NTN5: variants seen among roughly 807,000 people sequenced by gnomAD.
The protein encoded by NTN5 is netrin 5.
In NTN5, 42 loss-of-function variants were observed where a neutral mutation model predicts 38.7. That is an observed-to-expected ratio of 1.08 (90% CI 0.85 to 1.40). The LOEUF is 1.40. Among genes scored for constraint, NTN5 ranks in the 40% most tolerant of loss-of-function variants. The pLI is 0.00. For missense variants in NTN5, 658 were observed against 716.5 expected (o/e 0.92, Z 0.93); for synonymous variants, 329 against 303.9 (o/e 1.08, Z -0.86).
At chr19:48,665,080 T>A (rs958279236) in intron 2 of NTN5, among the ~76,000 whole-genome samples, 80 of 130,946 alleles carry the variant, frequency 6.1e-4, no homozygotes, top group African/African-American at 2.6e-3. Context: ...ACACAGCTAA[T>A]TTTTTTTTTT....
At position 48,670,346 on chromosome 19, in the gene NTN5, C is replaced by A; in HGVS notation, c.631+10G>T. On this transcript the variant is annotated intron_variant, in intron 2 of 6. Transcript: ENST00000270235. ...GCAAAGGCAGGGAGAGTGAGGGGCG[C>A]AGGACTCACGTAGGCAAGGGTGGGG... The A allele has an allele frequency of 7.1e-7, 1 of 1,403,900 alleles. No homozygotes were observed. Among genetic ancestry groups the A allele is most frequent in the Non-Finnish European group, 9.3e-7 (1 of 1,079,470 alleles). The allele number at this position is 1,403,900 out of a possible 1,614,324, so 87.0% of individuals were successfully genotyped here.
At chr19:48,664,425 G>A (rs1601205205) in intron 3 of NTN5, 133 bp from the exon 4 acceptor site, 2 of 1,305,554 alleles carry the variant, frequency 1.5e-6, no homozygotes, top group African/African-American at 1.5e-5. Context: ...AGGAGTCCAG[G>A]CCCCCAGCCC....
chr19:48,669,776 C>T (rs1227953374), intron 2 of NTN5, among the ~76,000 whole-genome samples: 22 of 109,084 alleles, frequency 2.0e-4, no homozygotes, highest in African/African-American at 7.8e-4. Context: ...CTACCATCAC[C>T]ATCACACCAC....
In NTN5 at chr19:48,664,085, C is replaced by G. The variant is rs118012054; in HGVS notation, c.970+58G>C. ...CCTCACTGCAGCTGTGCACTGGAGA[C>G]CTGGGATGTCTCCTTCCCGCTCTAC... On this transcript the variant is annotated intron_variant, in intron 4 of 6. Transcript: ENST00000270235. The G allele has an allele frequency of 3.4e-4, 516 of 1,533,852 alleles. 1 individual carries two copies. The East Asian group carries it at 0.011, about 32-fold the overall frequency.
intron 4 of NTN5, 51 bp from the exon 5 acceptor site, chr19:48,663,865 C>A: frequency 6.4e-7 from 1 of 1,568,246 alleles, no homozygotes; most frequent in South Asian, 1.1e-5. Flanking sequence ...CCCAGGATCC[C>A]CTCGCCCCTG....
At chr19:48,665,881 C>T (rs1198215558) in intron 2 of NTN5, among the ~76,000 whole-genome samples, 2 of 151,766 alleles carry the variant, frequency 1.3e-5, no homozygotes, top group Non-Finnish European at 2.9e-5. Flanking sequence ...TTAGCCTTGT[C>T]GGTCTCTCTG....
At chr19:48,663,435 T>C (rs1223573662) in intron 6 of NTN5, 28 bp downstream of exon 6, 13 of 1,593,768 alleles carry the variant, frequency 8.2e-6, no homozygotes, top group Non-Finnish European at 1.0e-5. Context: ...CTGTGTAGCC[T>C]TCAGCTGTCT....
At chr19:48,666,956 A>G (rs889001392) in intron 2 of NTN5, among the ~76,000 whole-genome samples, 7 of 151,998 alleles carry the variant, frequency 4.6e-5, no homozygotes, top group African/African-American at 1.7e-4. Flanking sequence ...AAGAGGTTTG[A>G]GAGCCCTGGA....
At chr19:48,670,060 C>T (rs2031913486) in intron 2 of NTN5, among the ~76,000 whole-genome samples, 1 of 149,310 alleles carries the variant, frequency 6.7e-6, no homozygotes, top group South Asian at 2.1e-4. Context: ...TCACCACCAC[C>T]ATCACCACCA....
At chr19:48,669,177 C>T (rs1225926366) in intron 2 of NTN5, among the ~76,000 whole-genome samples, 17 of 61,256 alleles carry the variant, frequency 2.8e-4, no homozygotes, top group Non-Finnish European at 1.8e-4. Context: ...ACCATCACCA[C>T]CATGACCACC....
rs1409806024 is a variant in NTN5, at chr19:48,670,596, C to T, written c.391G>A (p.Ala131Thr). The T allele has an allele frequency of 6.3e-7, 1 of 1,586,756 alleles. No homozygotes were observed. Among genetic ancestry groups the T allele is most frequent in the Middle Eastern group, 1.7e-4 (1 of 5,926 alleles). Residue 131 changes from alanine to threonine, a missense_variant, in exon 2 of 7, where the codon GCC becomes ACC. By Grantham distance (58) the Ala-to-Thr change is moderately conservative. Coordinates refer to ENST00000270235, the MANE Select transcript of NTN5 (RefSeq NM_145807.4). ...VTFHSTPGPKATVAASHLRVE... is the reference protein window; with the variant it reads ...VTFHSTPGPKTTVAASHLRVE... ...CGGAGGTGGCTGGCCGCCACAGTGG[C>T]CTTAGGACCTGGTGTGGAGTGGAAG... is the stretch of plus-strand genomic sequence containing the variant.
rs555642420 is a variant in NTN5, at chr19:48,663,249, A to G, written c.1105+214T>C. 24 of 673,458 alleles carry G rather than the reference A, an allele frequency of 3.6e-5. No individual in the cohort carries two copies. In the African/African-American group the frequency reaches 3.9e-4, roughly 11 times the overall value. 41.7% of individuals were successfully genotyped at this position (673,458 alleles called of 1,614,324 possible). A position where few individuals can be genotyped will look rare whatever the true frequency, so the allele number is the denominator to read the frequency against. ...ACTCTGTAAGCCGAAGAACATGGGG[A>G]AAGAGGAGACACAGGAAGGTAGTGA... On this transcript the variant is annotated intron_variant, in intron 6 of 6. Transcript: ENST00000270235.
intron 2 of NTN5, among the ~76,000 whole-genome samples, chr19:48,669,633 G>A (rs1328763933): frequency 8.6e-3 from 7 of 816 alleles, no homozygotes; most frequent in Non-Finnish European, 0.01. Flanking sequence ...ACCACCACCA[G>A]TCATCACCAT....
intron 4 of NTN5, 124 bp from the exon 5 acceptor site, chr19:48,663,938 C>T: frequency 8.7e-7 from 1 of 1,146,726 alleles, no homozygotes; most frequent in Non-Finnish European, 1.3e-6. Flanking sequence ...AGAGTGCAAG[C>T]ATCCCTTGCC....
intron 2 of NTN5, among the ~76,000 whole-genome samples, chr19:48,669,852 T>TCACCAC: frequency 2.9e-5 from 1 of 34,854 alleles, no homozygotes; most frequent in South Asian, 9.1e-4. Flanking sequence ...ACCACTACCA[T>TCACCAC]CACCACCACC....
rs1466641729 is a variant in NTN5, at chr19:48,661,712, G to A, written c.1435C>T (p.Arg479Trp). 5.1e-6 allele frequency: 8 copies of A among 1,554,800 alleles called. No homozygotes were observed. The highest frequency in any genetic ancestry group is 2.5e-5 in the East Asian group (1 of 39,676). ...GGCCTGGGACTGGGTGTGGGTGCCC[G>A]CACGCCGCGGCAGCCTCCGGCGCGC... is the stretch of plus-strand genomic sequence containing the variant. ...EERAGGCRGVRAPTPSPRPEH is the reference protein window; with the variant it reads ...EERAGGCRGVWAPTPSPRPEH Residue 479 changes from arginine to tryptophan, a missense_variant, in exon 7 of 7, where the codon CGG becomes TGG. Coordinates refer to ENST00000270235, the MANE Select transcript of NTN5 (RefSeq NM_145807.4).
intron 2 of NTN5, among the ~76,000 whole-genome samples, chr19:48,669,724 C>CCACCACCATCACCAT (rs2031868194): frequency 1.5e-5 from 2 of 132,160 alleles, no homozygotes; most frequent in Non-Finnish European, 3.2e-5. Context: ...ATCACCACCA[C>CCACCACCATCACCAT]CACCACCATC....
At position 48,661,930 on chromosome 19, in the gene NTN5, T is replaced by C. The variant is rs762198245; in HGVS notation, c.1217A>G (p.Asp406Gly). 9.5e-6 allele frequency: 13 copies of C among 1,368,622 alleles called. No individual in the cohort carries two copies. The highest frequency in any genetic ancestry group is 1.0e-5 in the Non-Finnish European group (11 of 1,065,016). 84.8% of individuals were successfully genotyped at this position (1,368,622 alleles called of 1,614,324 possible). Residue 406 changes from aspartate (D) to glycine (G), a missense_variant, in exon 7 of 7, where the codon GAC (aspartate) becomes GGC (glycine). Asp to Gly is a moderately conservative substitution (Grantham distance 94, BLOSUM62 -1). Transcript: ENST00000270235. The part of the protein sequence containing the change: ...KQRAQPVRRG[D>G]QDAWVPRADL... ...GGCGCGGGGCACCCAGGCGTCCTGG[T>C]CGCCGCGTCGCACGGGCTGCGCCCG...
intron 2 of NTN5, among the ~76,000 whole-genome samples, chr19:48,669,676 T>A (rs1344513793): frequency 1.3e-5 from 1 of 78,062 alleles, no homozygotes; most frequent in Non-Finnish European, 2.5e-5. Context: ...ATCACCATCA[T>A]CACCACCATC....
Sources: gnomAD v4.1 joint callset for allele counts (sites outside exome capture counted in the v4.1 genomes callset) on GRCh38, gnomAD v4.1.1 for gene constraint, MANE v1.5 for transcripts, NCBI Gene and HGNC (gene_info 2026-07-23, HGNC 2026-07-21) for gene names.